The following CNTN5 variants were observed in gnomAD, a reference collection of about 807,000 sequenced individuals.
CNTN5 encodes the protein contactin 5.
In CNTN5, 77 loss-of-function variants were observed where a neutral mutation model predicts 129.1. The ratio of observed to expected loss-of-function variants is 0.60; its 90% CI spans 0.50 to 0.72. The LOEUF is 0.72. Ranked by LOEUF, CNTN5 falls within the 30% of genes least tolerant of loss-of-function variation. The probability of loss-of-function intolerance (pLI) is 0.00; values close to 1 mark genes in which losing one functional copy is unlikely to be tolerated. For missense variants in CNTN5, 1,478 were observed against 1,328.8 expected (o/e 1.11, Z -1.75); for synonymous variants, 509 against 465.6 (o/e 1.09, Z -1.20).
chr11:99,975,210 A>C (rs1937864871), intron 8 of CNTN5, among the ~76,000 whole-genome samples: 1 of 152,194 alleles, frequency 6.6e-6, no homozygotes, highest in Non-Finnish European at 1.5e-5. Context: ...TTGGCGCTTT[A>C]AGGTTTAATG....
chr11:99,701,861 C>T (rs553476327), intron 3 of CNTN5, among the ~76,000 whole-genome samples: 1 of 151,000 alleles, frequency 6.6e-6, no homozygotes, highest in East Asian at 2.0e-4. Flanking sequence ...TTGACTTGGC[C>T]TTTAACATTG....
intron 2 of CNTN5, among the ~76,000 whole-genome samples, chr11:99,485,030 C>T (rs1945755363): frequency 1.3e-5 from 2 of 151,956 alleles, no homozygotes. Flanking sequence ...CTATAGTTAA[C>T]AATAATACAT....
intron 2 of CNTN5, among the ~76,000 whole-genome samples, chr11:99,524,450 A>G (rs1227149969): frequency 5.3e-5 from 8 of 152,182 alleles, no homozygotes; most frequent in Non-Finnish European, 8.8e-5. Flanking sequence ...TTTGTGACAA[A>G]TCACCAAAGC....
At chr11:99,135,404 G>A (rs577854745) in intron 1 of CNTN5, among the ~76,000 whole-genome samples, 2 of 152,216 alleles carry the variant, frequency 1.3e-5, no homozygotes, top group South Asian at 4.1e-4. Context: ...GGCTGAGAAA[G>A]GGCATTCCAG....
intron 13 of CNTN5, among the ~76,000 whole-genome samples, chr11:100,172,092 G>T (rs957435694): frequency 1.3e-5 from 2 of 151,896 alleles, no homozygotes; most frequent in Middle Eastern, 3.2e-3. Context: ...GACAGTAATT[G>T]CAATCCAGTC....
chr11:99,894,463 A>G (rs1381802193), intron 6 of CNTN5, among the ~76,000 whole-genome samples: 2 of 144,082 alleles, frequency 1.4e-5, no homozygotes, highest in Non-Finnish European at 3.0e-5. Flanking sequence ...GCAAAAATCT[A>G]ACTACAACTG....
In CNTN5 at chr11:99,676,696, C is replaced by G. The variant is rs148370370; in HGVS notation, c.55+120427C>G. 1.9e-3 allele frequency among the ~76,000 whole-genome samples: 290 copies of G among 152,078 alleles called. 1 individual carries two copies. The highest frequency in any genetic ancestry group is 6.6e-3 in the African/African-American group (274 of 41,484). Reference sequence around the variant, plus strand: ...ATATGTAACAAACCTGCACGTTGTGCCCATATACCCTAGAACTTAAAGTAT... The same window carrying G: ...ATATGTAACAAACCTGCACGTTGTGGCCATATACCCTAGAACTTAAAGTAT... On this transcript the variant is annotated intron_variant, in intron 3 of 24. Transcript: ENST00000524871.
intron 1 of CNTN5, among the ~76,000 whole-genome samples, chr11:99,321,045 C>A (rs1193089569): frequency 6.6e-6 from 1 of 152,056 alleles, no homozygotes; most frequent in East Asian, 1.9e-4. Flanking sequence ...TTTTTCTTTT[C>A]TTCCTTCAGA....
At chr11:99,185,873 A>G (rs1402655204) in intron 1 of CNTN5, among the ~76,000 whole-genome samples, 1 of 101,586 alleles carries the variant, frequency 9.8e-6, no homozygotes, top group Admixed American at 1.1e-4. Context: ...TTTAAAAATA[A>G]CCCATCAAAA....
At chr11:99,348,775 A>G (rs933252925) in intron 2 of CNTN5, among the ~76,000 whole-genome samples, 1 of 152,154 alleles carries the variant, frequency 6.6e-6, no homozygotes, top group Non-Finnish European at 1.5e-5. Flanking sequence ...TGTGGTTTTA[A>G]ATCATTACTT....
intron 6 of CNTN5, among the ~76,000 whole-genome samples, chr11:99,902,886 G>A (rs1054934761): frequency 6.6e-6 from 1 of 152,084 alleles, no homozygotes; most frequent in Non-Finnish European, 1.5e-5. Context: ...AGGACGGGGA[G>A]CAGATTTGCT....
At chr11:99,798,887 G>A (rs958811439) in intron 3 of CNTN5, among the ~76,000 whole-genome samples, 1 of 151,992 alleles carries the variant, frequency 6.6e-6, no homozygotes, top group Non-Finnish European at 1.5e-5. Context: ...TGATTTTTCC[G>A]ATTAATGAGC....
chr11:99,759,073 T>A (rs1030603217), intron 3 of CNTN5, among the ~76,000 whole-genome samples: 2 of 152,056 alleles, frequency 1.3e-5, no homozygotes, highest in African/African-American at 4.8e-5. Flanking sequence ...ATATGCATTG[T>A]CCCATGCAAT....
intron 2 of CNTN5, among the ~76,000 whole-genome samples, chr11:99,504,147 C>CT (rs1335155150): frequency 2.0e-5 from 3 of 152,104 alleles, no homozygotes; most frequent in African/African-American, 4.8e-5. Context: ...AACAAACTGA[C>CT]TTTTTTTAGA....
intron 3 of CNTN5, among the ~76,000 whole-genome samples, chr11:99,682,536 C>G (rs1050303250): frequency 1.3e-5 from 2 of 151,764 alleles, no homozygotes; most frequent in African/African-American, 4.8e-5. Context: ...TAAAAGGAGA[C>G]AATACATTGA....
intron 9 of CNTN5, among the ~76,000 whole-genome samples, chr11:100,027,030 T>A (rs937784453): frequency 6.6e-6 from 1 of 152,024 alleles, no homozygotes; most frequent in Non-Finnish European, 1.5e-5. Flanking sequence ...AAAAAAAAAA[T>A]CTCTTCCATA....
At chr11:99,530,084 T>G (rs2135464644) in intron 2 of CNTN5, among the ~76,000 whole-genome samples, 1 of 152,308 alleles carries the variant, frequency 6.6e-6, no homozygotes, top group South Asian at 2.1e-4. Flanking sequence ...TGCAATGTGT[T>G]GTGATGTTTT....
intron 13 of CNTN5, among the ~76,000 whole-genome samples, chr11:100,086,733 T>C (rs1944572289): frequency 6.6e-6 from 1 of 151,278 alleles, no homozygotes; most frequent in Admixed American, 6.6e-5. Context: ...TGGGAAAAAA[T>C]GAATCATATA....
chr11:99,469,918 T>G (rs756272605), intron 2 of CNTN5, among the ~76,000 whole-genome samples: 5 of 152,144 alleles, frequency 3.3e-5, no homozygotes, highest in African/African-American at 7.2e-5. Context: ...ATCATCATCA[T>G]AAGAACTACA....
Sources: allele counts gnomAD v4.1 joint callset (sites outside exome capture counted in the v4.1 genomes callset), GRCh38; gene constraint gnomAD v4.1.1; transcripts MANE v1.5; gene names NCBI Gene and HGNC (gene_info 2026-07-23, HGNC 2026-07-21).